KDM2A: variants seen among roughly 807,000 people sequenced by gnomAD.
KDM2A encodes the protein lysine demethylase 2A.
KDM2A carries 3 observed loss-of-function variants against 137.3 expected under a neutral mutation model. That is an observed-to-expected ratio of 0.02 (90% confidence interval 0.01 to 0.06). The LOEUF is 0.06. Ranked by LOEUF, KDM2A falls within the 10% of genes least tolerant of loss-of-function variation. The pLI, the probability that KDM2A is intolerant of heterozygous loss-of-function variation, is 1.00. For synonymous variants in KDM2A, 512 were observed against 541.5 expected (o/e 0.95, Z 0.76); for missense variants, 738 against 1,510.6 (o/e 0.49, Z 8.48).
In KDM2A at chr11:67,243,136, T is replaced by C. The variant is rs371225404; in HGVS notation, c.1563+44T>C. 698 of 1,393,232 alleles carry C rather than the reference T, an allele frequency of 5.0e-4. 1 individual carries two copies. The highest frequency in any genetic ancestry group is 6.4e-4 in the Non-Finnish European group (630 of 980,882). The allele number at this position is 1,393,232 out of a possible 1,614,324, so 86.3% of individuals were successfully genotyped here. ...TGATCTTTAGGCTGCTTAAGCCTTT[T>C]GTTAGTTGATCATTACCATTCTGGG... On this transcript the variant is annotated intron_variant, in intron 13 of 20. Coordinates refer to ENST00000529006, the MANE Select transcript of KDM2A (RefSeq NM_012308.3).
chr11:67,252,493 G>C, intron 17 of KDM2A: 2 of 600,022 alleles, frequency 3.3e-6, no homozygotes, highest in Non-Finnish European at 6.0e-6. Context: ...ATGTAGGTTT[G>C]CAAAGCGTCT....
intron 15 of KDM2A, 78 bp downstream of exon 15, chr11:67,246,194 G>A: frequency 6.6e-7 from 1 of 1,515,994 alleles, no homozygotes; most frequent in South Asian, 1.2e-5. Context: ...ACTTGTGATG[G>A]GAGTGCCAGC....
At chr11:67,141,482 T>G (rs1003586876) in intron 2 of KDM2A, among the ~76,000 whole-genome samples, 1 of 151,406 alleles carries the variant, frequency 6.6e-6, no homozygotes, top group Non-Finnish European at 1.5e-5. Context: ...CTGGCTAACA[T>G]GGTGAAACCC....
chr11:67,148,286 C>T (rs1019908680), intron 2 of KDM2A, among the ~76,000 whole-genome samples: 6 of 150,870 alleles, frequency 4.0e-5, no homozygotes, highest in African/African-American at 7.3e-5. Context: ...CTGGGCGTGG[C>T]GGTGGACACC....
chr11:67,120,164 C>T (rs1389108700), intron 1 of KDM2A, 115 bp downstream of exon 1: 2 of 152,136 alleles, frequency 1.3e-5, no homozygotes, highest in African/African-American at 4.8e-5. Context: ...AACGCCTTTT[C>T]CTGGGGGAGC....
intron 2 of KDM2A, among the ~76,000 whole-genome samples, chr11:67,167,682 C>G (rs1392211481): frequency 6.6e-6 from 1 of 151,220 alleles, no homozygotes; most frequent in East Asian, 1.9e-4. Flanking sequence ...CTGTAGACAC[C>G]TTCTATTTAT....
intron 2 of KDM2A, among the ~76,000 whole-genome samples, chr11:67,121,999 C>T (rs1173921539): frequency 6.6e-6 from 1 of 152,090 alleles, no homozygotes; most frequent in Non-Finnish European, 1.5e-5. Flanking sequence ...CACTTGGATC[C>T]TTTAAGCCAT....
At chr11:67,170,624 A>G (rs1445910378) in intron 2 of KDM2A, among the ~76,000 whole-genome samples, 1 of 151,982 alleles carries the variant, frequency 6.6e-6, no homozygotes, top group South Asian at 2.1e-4. Flanking sequence ...CATGTTAGCC[A>G]GGATGGTCTC....
At chr11:67,133,828 G>T (rs1855911880) in intron 2 of KDM2A, among the ~76,000 whole-genome samples, 1 of 151,800 alleles carries the variant, frequency 6.6e-6, no homozygotes, top group African/African-American at 2.4e-5. Context: ...CAGCCAGCTG[G>T]GTTTACAGCC....
chr11:67,174,195 T>TTGCA (rs1856931628), intron 2 of KDM2A, among the ~76,000 whole-genome samples: 1 of 152,104 alleles, frequency 6.6e-6, no homozygotes, highest in Non-Finnish European at 1.5e-5. Context: ...GAGACAGAGG[T>TTGCA]TGCAGTAAGC....
At chr11:67,204,169 A>G (rs1182710947) in intron 5 of KDM2A, among the ~76,000 whole-genome samples, 1 of 152,190 alleles carries the variant, frequency 6.6e-6, no homozygotes, top group Non-Finnish European at 1.5e-5. Flanking sequence ...CAGGTAATAT[A>G]AAGTTTACCA....
intron 12 of KDM2A, among the ~76,000 whole-genome samples, chr11:67,234,509 C>T (rs924951242): frequency 2.6e-5 from 4 of 151,996 alleles, no homozygotes; most frequent in African/African-American, 7.3e-5. Flanking sequence ...GGTTCTAAGG[C>T]GTTGAAGAAC....
intron 6 of KDM2A, among the ~76,000 whole-genome samples, chr11:67,213,367 G>C (rs1858054396): frequency 6.6e-6 from 1 of 152,118 alleles, no homozygotes; most frequent in Non-Finnish European, 1.5e-5. Flanking sequence ...GGAGTTCATT[G>C]GTTGAGTGTA....
chr11:67,220,387 C>T (rs563344803), intron 10 of KDM2A, among the ~76,000 whole-genome samples: 1 of 152,244 alleles, frequency 6.6e-6, no homozygotes, highest in East Asian at 1.9e-4. Context: ...TTTATGCTCA[C>T]AGAATAATTT....
intron 6 of KDM2A, among the ~76,000 whole-genome samples, chr11:67,211,712 C>A (rs2136388703): frequency 6.9e-6 from 1 of 144,258 alleles, no homozygotes; most frequent in South Asian, 2.2e-4. Context: ...ATCTTCATTT[C>A]TAAAAACTTA....
In KDM2A at chr11:67,134,143, T is replaced by G. The variant is rs763427426; in HGVS notation, c.42+12785T>G. On this transcript the variant is annotated intron_variant, in intron 2 of 20. Transcript: ENST00000529006. ...CCAGGAAGACTGGGGGAAAGATTTT[T>G]TGAAACTTTGAGGAGAGAATATGAG... Among the ~76,000 whole-genome samples the G allele has an allele frequency of 6.0e-4, 92 of 152,198 alleles. 1 individual carries two copies. Among genetic ancestry groups the G allele is most frequent in the Non-Finnish European group, 1.1e-3 (72 of 68,044 alleles).
At chr11:67,225,926 A>C (rs1015905841) in intron 10 of KDM2A, among the ~76,000 whole-genome samples, 1 of 150,430 alleles carries the variant, frequency 6.6e-6, no homozygotes, top group Non-Finnish European at 1.5e-5. Context: ...TTAGCTGGTC[A>C]TGGTGGTGCA....
chr11:67,238,823 G>A (rs1455272909), intron 12 of KDM2A, among the ~76,000 whole-genome samples: 1 of 152,168 alleles, frequency 6.6e-6, no homozygotes, highest in African/African-American at 2.4e-5. Flanking sequence ...CTCTAAAAAA[G>A]ACCCAAACTG....
chr11:67,157,312 C>T (rs569830852), intron 2 of KDM2A, among the ~76,000 whole-genome samples: 5 of 132,538 alleles, frequency 3.8e-5, no homozygotes, highest in African/African-American at 8.6e-5. Context: ...GCAAGACTCC[C>T]GTCTCAAAAA....
Sources: allele counts gnomAD v4.1 joint callset (sites outside exome capture counted in the v4.1 genomes callset), GRCh38; gene constraint gnomAD v4.1.1; transcripts MANE v1.5; gene names NCBI Gene and HGNC (gene_info 2026-07-23, HGNC 2026-07-21).